The following SRPK2 variants were observed in gnomAD, a reference collection of about 807,000 sequenced individuals.
SRPK2 encodes the protein SRSF protein kinase 2.
In SRPK2, 21 loss-of-function variants were observed where a neutral mutation model predicts 90.8. The observed-to-expected ratio is 0.23, with a 90% confidence interval of 0.16 to 0.33. The LOEUF is 0.33. SRPK2 is among the 10% of genes least tolerant of loss of function. SRPK2 has a pLI of 1.00. For missense variants in SRPK2, 620 were observed against 869.0 expected (o/e 0.71, Z 3.60); for synonymous variants, 288 against 311.1 (o/e 0.93, Z 0.78).
intron 3 of SRPK2, among the ~76,000 whole-genome samples, chr7:105,196,657 T>A (rs1205583704): frequency 6.6e-6 from 1 of 152,204 alleles, no homozygotes. Flanking sequence ...ACAGCCAACA[T>A]TACTTGGCTG....
intron 2 of SRPK2, among the ~76,000 whole-genome samples, chr7:105,235,973 G>A (rs1024073301): frequency 3.9e-5 from 6 of 152,168 alleles, no homozygotes; most frequent in African/African-American, 1.4e-4. Flanking sequence ...GTACATTAGA[G>A]GAAAAGCAAA....
intron 2 of SRPK2, chr7:105,205,917 C>T (rs776363781): frequency 2.0e-6 from 1 of 498,752 alleles, no homozygotes; most frequent in South Asian, 1.4e-5. Context: ...AAAATGAGTA[C>T]ATTCTCTGAA....
At chr7:105,217,298 T>G (rs1797589959) in intron 2 of SRPK2, among the ~76,000 whole-genome samples, 1 of 152,194 alleles carries the variant, frequency 6.6e-6, no homozygotes. Context: ...ACAAAGGCAG[T>G]ATTTGGTGAG....
intron 7 of SRPK2, 150 bp from the exon 8 acceptor site, chr7:105,146,808 C>T: frequency 1.3e-6 from 1 of 772,376 alleles, no homozygotes; most frequent in Non-Finnish European, 2.0e-6. Flanking sequence ...CCCATGCCTA[C>T]CCACATTGGA....
chr7:105,352,303 T>G (rs1052967319), intron 2 of SRPK2, among the ~76,000 whole-genome samples: 1 of 152,110 alleles, frequency 6.6e-6, no homozygotes, highest in Non-Finnish European at 1.5e-5. Flanking sequence ...CAGTGTGAGG[T>G]CTTCTAAGGG....
intron 3 of SRPK2, among the ~76,000 whole-genome samples, chr7:105,170,887 GA>G (rs1227432271): frequency 3.6e-4 from 36 of 100,502 alleles, no homozygotes; most frequent in East Asian, 6.6e-4. Flanking sequence ...AAGAAAGAAA[GA>G]AAGAAAGAAA....
Position 105,160,374 on chromosome 7 carries a change from T to G in SRPK2, c.621+133A>C, listed in dbSNP as rs531870365. On this transcript the variant is annotated intron_variant, in intron 7 of 15. Transcript: ENST00000393651. ...TCAAAATGTTATGCACTGATACATATGTAACATACATAACATATATACATT... is the reference window on the plus strand; with the variant it reads ...TCAAAATGTTATGCACTGATACATAGGTAACATACATAACATATATACATT... The G allele has an allele frequency of 9.7e-5, 48 of 495,602 alleles. 1 individual carries two copies. The South Asian group carries it at 1.3e-3, about 13-fold the overall frequency. 30.7% of individuals were successfully genotyped at this position (495,602 alleles called of 1,614,324 possible). A position where few individuals can be genotyped will look rare whatever the true frequency, so the allele number is the denominator to read the frequency against.
intron 2 of SRPK2, among the ~76,000 whole-genome samples, chr7:105,218,383 C>T (rs574347716): frequency 9.9e-5 from 15 of 152,250 alleles, no homozygotes; most frequent in African/African-American, 3.6e-4. Context: ...CTCAGTAGGT[C>T]AGGAATGTAG....
chr7:105,366,925 A>C (rs1563294230), intron 2 of SRPK2, among the ~76,000 whole-genome samples: 1 of 152,206 alleles, frequency 6.6e-6, no homozygotes, highest in African/African-American at 2.4e-5. Context: ...TTGTAACATC[A>C]TGACATTTCT....
intron 2 of SRPK2, chr7:105,301,549 C>T: frequency 1.3e-6 from 2 of 1,565,064 alleles, no homozygotes; most frequent in East Asian, 2.2e-5. Context: ...GGAGATGGAA[C>T]TAGAAGCATT....
intron 2 of SRPK2, among the ~76,000 whole-genome samples, chr7:105,273,471 G>T (rs1465436269): frequency 6.6e-6 from 1 of 150,918 alleles, no homozygotes; most frequent in African/African-American, 2.4e-5. Context: ...TGCCACCCAG[G>T]GTGGAGTGCA....
chr7:105,378,673 G>C (rs1183284205), intron 2 of SRPK2, among the ~76,000 whole-genome samples: 1 of 150,932 alleles, frequency 6.6e-6, no homozygotes, highest in Non-Finnish European at 1.5e-5. Context: ...TGAGGCAGGA[G>C]AATTGCTTGT....
At chr7:105,122,309 A>G (rs1800500981) in intron 15 of SRPK2, among the ~76,000 whole-genome samples, 2 of 152,356 alleles carry the variant, frequency 1.3e-5, no homozygotes, top group South Asian at 4.1e-4. Flanking sequence ...CAAAATTTAA[A>G]AATTTATACT....
intron 7 of SRPK2, among the ~76,000 whole-genome samples, chr7:105,153,078 C>A (rs1434482020): frequency 6.6e-6 from 1 of 152,082 alleles, no homozygotes; most frequent in African/African-American, 2.4e-5. Flanking sequence ...CAGCAGGAGG[C>A]AGCAGAGATC....
In SRPK2 at chr7:105,132,918, A is replaced by C. The variant is rs1452095885; in HGVS notation, c.1645-20T>G. On this transcript the variant is annotated intron_variant, in intron 12 of 15. Transcript: ENST00000393651. ...TTTATGCTGGAAGGGAACAGGCTGCATTACCACGGAGCAACACAGACATTC... is the reference window on the plus strand; with the variant it reads ...TTTATGCTGGAAGGGAACAGGCTGCCTTACCACGGAGCAACACAGACATTC... 34 of 1,612,772 alleles carry C rather than the reference A, an allele frequency of 2.1e-5. No homozygotes were observed. Among genetic ancestry groups the C allele is most frequent in the Non-Finnish European group, 2.8e-5 (33 of 1,178,970 alleles).
chr7:105,126,189 G>A (rs1180831271), intron 15 of SRPK2, 59 bp downstream of exon 15: 1 of 1,332,252 alleles, frequency 7.5e-7, no homozygotes, highest in Admixed American at 1.7e-5. Flanking sequence ...GCTAAAATCA[G>A]CAGCTGCTCT....
chr7:105,154,584 T>C (rs556598646), intron 7 of SRPK2, among the ~76,000 whole-genome samples: 1 of 152,272 alleles, frequency 6.6e-6, no homozygotes, highest in East Asian at 1.9e-4. Flanking sequence ...ACTAGAGGGT[T>C]GCACCCCAAA....
chr7:105,162,184 G>A (rs1174916710), intron 6 of SRPK2, among the ~76,000 whole-genome samples: 1 of 152,178 alleles, frequency 6.6e-6, no homozygotes, highest in Non-Finnish European at 1.5e-5. Context: ...TGGGATTACA[G>A]GCGTGTGCCA....
At chr7:105,217,494 A>T (rs1040199117) in intron 2 of SRPK2, among the ~76,000 whole-genome samples, 1 of 152,194 alleles carries the variant, frequency 6.6e-6, no homozygotes, top group African/African-American at 2.4e-5. Context: ...CTGACAAATG[A>T]AGACTGTCCT....
Sources: gnomAD v4.1 joint callset for allele counts (sites outside exome capture counted in the v4.1 genomes callset) on GRCh38, gnomAD v4.1.1 for gene constraint, MANE v1.5 for transcripts, NCBI Gene and HGNC (gene_info 2026-07-23, HGNC 2026-07-21) for gene names.